Variants in UNC5C observed in about 807,000 individuals in gnomAD.
The protein encoded by UNC5C is netrin receptor UNC5C.
Under a neutral mutation model 99.8 loss-of-function variants are expected in UNC5C, and 47 were observed. That is an observed-to-expected ratio of 0.47 (90% CI 0.37 to 0.60). The LOEUF is 0.60. Among genes scored for constraint, UNC5C ranks in the 20% least tolerant of loss-of-function variants. UNC5C has a pLI of 0.00. For synonymous variants in UNC5C, 487 were observed against 452.2 expected (o/e 1.08, Z -0.98); for missense variants, 1,062 against 1,165.9 (o/e 0.91, Z 1.30).
At chr4:95,297,930 G>A (rs747924445) in intron 3 of UNC5C, among the ~76,000 whole-genome samples, 20 of 152,162 alleles carry the variant, frequency 1.3e-4, no homozygotes, top group Non-Finnish European at 2.6e-4. Flanking sequence ...ACAGCAGCCA[G>A]ATGACTCTGA....
chr4:95,300,904 C>T (rs1225388576), intron 3 of UNC5C, among the ~76,000 whole-genome samples: 2 of 151,878 alleles, frequency 1.3e-5, no homozygotes, highest in African/African-American at 4.8e-5. Flanking sequence ...TGACTATGGT[C>T]AATAATAACT....
intron 1 of UNC5C, among the ~76,000 whole-genome samples, chr4:95,395,539 T>C (rs890013657): frequency 6.6e-6 from 1 of 152,190 alleles, no homozygotes; most frequent in Non-Finnish European, 1.5e-5. Flanking sequence ...AGGTCTTTTC[T>C]CTTCCTCTGT....
At chr4:95,502,418 ACCACCATGC>A (rs1314148083) in intron 1 of UNC5C, among the ~76,000 whole-genome samples, 3 of 152,168 alleles carry the variant, frequency 2.0e-5, no homozygotes, top group East Asian at 1.9e-4. Context: ...ACAGTTGCAC[ACCACCATGC>A]CCAGCTTATT....
chr4:95,313,268 G>T (rs1339213498), intron 2 of UNC5C, among the ~76,000 whole-genome samples: 3 of 152,122 alleles, frequency 2.0e-5, no homozygotes, highest in South Asian at 2.1e-4. Context: ...GTGAATGGCA[G>T]CTAGGGAAGT....
chr4:95,470,107 G>T (rs746192264), intron 1 of UNC5C, among the ~76,000 whole-genome samples: 1 of 151,984 alleles, frequency 6.6e-6, no homozygotes, highest in Admixed American at 6.6e-5. Flanking sequence ...TATGTTTTTC[G>T]AATGGGTTTG....
At chr4:95,171,468 C>A (rs1343487904) in intron 14 of UNC5C, among the ~76,000 whole-genome samples, 1 of 150,950 alleles carries the variant, frequency 6.6e-6, no homozygotes, top group Non-Finnish European at 1.5e-5. Context: ...TCAATTCCCC[C>A]GTGAGTGAGA....
chr4:95,246,220 A>G (rs759124394), intron 5 of UNC5C, among the ~76,000 whole-genome samples: 2 of 152,104 alleles, frequency 1.3e-5, no homozygotes, highest in Non-Finnish European at 2.9e-5. Context: ...CATGTAATGG[A>G]CTCCTGGACA....
chr4:95,313,658 TAAC>T (rs910978277), intron 2 of UNC5C, among the ~76,000 whole-genome samples: 38 of 152,198 alleles, frequency 2.5e-4, no homozygotes, highest in Non-Finnish European at 5.3e-4. Context: ...GACTACCACT[TAAC>T]AACAGTTCAC....
chr4:95,250,455 G>A (rs1739656976), intron 5 of UNC5C, 32 bp downstream of exon 5: 1 of 1,597,836 alleles, frequency 6.3e-7, no homozygotes, highest in Non-Finnish European at 8.5e-7. Flanking sequence ...AGTTAAACAT[G>A]AACTAGATTG....
At chr4:95,362,604 C>T (rs1053584782) in intron 1 of UNC5C, among the ~76,000 whole-genome samples, 2 of 152,134 alleles carry the variant, frequency 1.3e-5, no homozygotes, top group Admixed American at 6.6e-5. Flanking sequence ...TTGACTTAAA[C>T]CTGCTTGATT....
At chr4:95,309,943 A>G (rs1399442611) in intron 2 of UNC5C, among the ~76,000 whole-genome samples, 2 of 152,220 alleles carry the variant, frequency 1.3e-5, no homozygotes, top group Admixed American at 1.3e-4. Flanking sequence ...GTGTATACCC[A>G]AAGTAAATGA....
chr4:95,520,032 AAGT>A (rs1722309900), intron 1 of UNC5C, among the ~76,000 whole-genome samples: 1 of 152,134 alleles, frequency 6.6e-6, no homozygotes, highest in Non-Finnish European at 1.5e-5. Context: ...CGCTAAGAGG[AAGT>A]AGGTAGGAAT....
Position 95,169,057 on chromosome 4 carries a change from C to CGAGTA in UNC5C, c.*172_*176dup, listed in dbSNP as rs1334403432. The CGAGTA allele has an allele frequency of 2.5e-5, 17 of 682,820 alleles. No homozygotes were observed. In the African/African-American group the frequency reaches 2.5e-4, roughly 10 times the overall value. The allele number at this position is 682,820 out of a possible 1,614,324, so 42.3% of individuals were successfully genotyped here. A position where few individuals can be genotyped will look rare whatever the true frequency, so the allele number is the denominator to read the frequency against. On this transcript the variant is annotated 3_prime_UTR_variant, in exon 16 of 16. Transcript: ENST00000453304. Reference sequence around the variant, plus strand: ...TTTTCTTAACTCCCGTGATGATGTCCGAGTAAAGTGGGCATGTACATGGGC... The same window carrying CGAGTA: ...TTTTCTTAACTCCCGTGATGATGTCCGAGTAGAGTAAAGTGGGCATGTACATGGGC...
intron 1 of UNC5C, among the ~76,000 whole-genome samples, chr4:95,444,383 T>C (rs1024791658): frequency 1.4e-5 from 2 of 147,788 alleles, no homozygotes; most frequent in African/African-American, 5.1e-5. Context: ...CAGGCTGGAG[T>C]GCAGTGGTGC....
chr4:95,354,479 A>ATATATATATATATATATTTTTT, intron 1 of UNC5C, among the ~76,000 whole-genome samples: 2 of 110,342 alleles, frequency 1.8e-5, no homozygotes, highest in African/African-American at 8.1e-5. Context: ...ATATATATAT[A>ATATATATATATATATATTTTTT]TTTTTTTTTT....
At chr4:95,438,909 CCA>C in intron 1 of UNC5C, among the ~76,000 whole-genome samples, 1 of 152,202 alleles carries the variant, frequency 6.6e-6, no homozygotes, top group East Asian at 1.9e-4. Flanking sequence ...TTCTCCTTTT[CCA>C]GTTATCCATA....
At position 95,346,721 on chromosome 4, in the gene UNC5C, A is replaced by G. The variant is rs537129055; in HGVS notation, c.125-11090T>C. On this transcript the variant is annotated intron_variant, in intron 1 of 15. Coordinates refer to ENST00000453304, the MANE Select transcript of UNC5C (RefSeq NM_003728.4). ...ATTTGATAAAATTCAACATCCTTTCATGATAGAAAGACTAAAACAAACTGA... is the reference window on the plus strand; with the variant it reads ...ATTTGATAAAATTCAACATCCTTTCGTGATAGAAAGACTAAAACAAACTGA... Among the ~76,000 whole-genome samples the G allele has an allele frequency of 5.4e-4, 82 of 152,090 alleles. 1 individual carries two copies. The highest frequency in any genetic ancestry group is 1.6e-3 in the African/African-American group (68 of 41,544).
At chr4:95,261,367 G>C (rs905317425) in intron 4 of UNC5C, among the ~76,000 whole-genome samples, 1 of 152,126 alleles carries the variant, frequency 6.6e-6, no homozygotes, top group African/African-American at 2.4e-5. Flanking sequence ...GATTTTAGGG[G>C]CATCAGGAAA....
At chr4:95,442,526 C>T (rs778221366) in intron 1 of UNC5C, among the ~76,000 whole-genome samples, 11 of 150,150 alleles carry the variant, frequency 7.3e-5, no homozygotes, top group South Asian at 2.1e-4. Context: ...GAGATGGAGT[C>T]GTGCTATGTT....
Sources: allele counts gnomAD v4.1 joint callset (sites outside exome capture counted in the v4.1 genomes callset), GRCh38; gene constraint gnomAD v4.1.1; transcripts MANE v1.5; gene names NCBI Gene and HGNC (gene_info 2026-07-23, HGNC 2026-07-21).